Variants in CSNK2A2IP observed in about 807,000 individuals in gnomAD.
The protein encoded by CSNK2A2IP is casein kinase 2 subunit alpha' interacting protein.
At chr3:88,402,239 A>G in the CSNK2A2IP span, among the ~76,000 whole-genome samples, 1 of 152,090 alleles carries the variant, frequency 6.6e-6, no homozygotes, top group Non-Finnish European at 1.5e-5. Flanking sequence ...ATGTTCACCA[A>G]AACAATGAAC....
the CSNK2A2IP span, among the ~76,000 whole-genome samples, chr3:88,459,751 G>C: frequency 6.6e-6 from 1 of 152,060 alleles, no homozygotes; most frequent in Non-Finnish European, 1.5e-5. Context: ...AGTTTTATGA[G>C]AAATGGAAGT....
chr3:88,466,760 G>A, the CSNK2A2IP span: 5 of 851,260 alleles, frequency 5.9e-6, no homozygotes, highest in South Asian at 1.2e-4. Context: ...CCTGGTCCTC[G>A]CTTGTCATCA....
At chr3:88,376,628 T>A in the CSNK2A2IP span, among the ~76,000 whole-genome samples, 1 of 151,792 alleles carries the variant, frequency 6.6e-6, no homozygotes, top group African/African-American at 2.4e-5. Context: ...TTTTTCAGCC[T>A]ACAAATATAT....
At chr3:88,454,413 T>G in the CSNK2A2IP span, among the ~76,000 whole-genome samples, 1 of 151,926 alleles carries the variant, frequency 6.6e-6, no homozygotes. Context: ...GAAGAAGTTT[T>G]AAATTTTGAT....
At chr3:88,466,529 G>T in the CSNK2A2IP span, 1 of 1,231,654 alleles carries the variant, frequency 8.1e-7, no homozygotes, top group African/African-American at 1.6e-5. Context: ...TTAGGTTTCA[G>T]ACTCCAGAGT....
At chr3:88,466,372 G>A in the CSNK2A2IP span, 1 of 1,231,820 alleles carries the variant, frequency 8.1e-7, no homozygotes, top group Non-Finnish European at 1.0e-6. Flanking sequence ...GAATTCACCT[G>A]TCTGTCACTC....
At chr3:88,413,342 C>T in the CSNK2A2IP span, among the ~76,000 whole-genome samples, 1 of 151,880 alleles carries the variant, frequency 6.6e-6, no homozygotes. Context: ...AACTCTTATA[C>T]ACTAAGAGAA....
At chr3:88,457,758 A>G in the CSNK2A2IP span, among the ~76,000 whole-genome samples, 1 of 151,682 alleles carries the variant, frequency 6.6e-6, no homozygotes, top group African/African-American at 2.4e-5. Context: ...AATAAAATCT[A>G]GTAGTTTTTA....
chr3:88,442,458 GAATA>G, the CSNK2A2IP span, among the ~76,000 whole-genome samples: 1 of 152,134 alleles, frequency 6.6e-6, no homozygotes, highest in Non-Finnish European at 1.5e-5. Context: ...AAAATAGACT[GAATA>G]GAGTTATGAG....
chr3:88,420,646 G>A, the CSNK2A2IP span, among the ~76,000 whole-genome samples: 1 of 152,118 alleles, frequency 6.6e-6, no homozygotes, highest in Non-Finnish European at 1.5e-5. Context: ...TTTAGAAGGT[G>A]AGTAAAATGT....
chr3:88,465,956 C>T, the CSNK2A2IP span: 2 of 1,231,532 alleles, frequency 1.6e-6, no homozygotes, highest in South Asian at 8.2e-5. Flanking sequence ...ATCATTTGGA[C>T]ATCATCTTCC....
chr3:88,377,269 T>A, the CSNK2A2IP span, among the ~76,000 whole-genome samples: 1 of 151,872 alleles, frequency 6.6e-6, no homozygotes, highest in African/African-American at 2.4e-5. Context: ...CCCAAACTTC[T>A]CCTTCTCACT....
the CSNK2A2IP span, among the ~76,000 whole-genome samples, chr3:88,428,512 C>T: frequency 6.6e-6 from 1 of 152,060 alleles, no homozygotes; most frequent in Non-Finnish European, 1.5e-5. Context: ...AATTGTAGTT[C>T]CCATAATCCC....
the CSNK2A2IP span, among the ~76,000 whole-genome samples, chr3:88,430,327 A>G: frequency 6.6e-6 from 1 of 152,120 alleles, no homozygotes; most frequent in Admixed American, 6.5e-5. Flanking sequence ...ATCTATACAT[A>G]CATATGTGTA....
the CSNK2A2IP span, among the ~76,000 whole-genome samples, chr3:88,440,457 G>A: frequency 6.6e-6 from 1 of 152,032 alleles, no homozygotes; most frequent in Non-Finnish European, 1.5e-5. Flanking sequence ...CTAGAACTCT[G>A]GCAGATAAAA....
the CSNK2A2IP span, among the ~76,000 whole-genome samples, chr3:88,403,267 G>T: frequency 2.6e-5 from 4 of 151,970 alleles, no homozygotes; most frequent in South Asian, 2.1e-4. Context: ...TTTTTATTAG[G>T]TTTTTTGTTC....
At chr3:88,446,491 T>C in the CSNK2A2IP span, among the ~76,000 whole-genome samples, 1 of 152,224 alleles carries the variant, frequency 6.6e-6, no homozygotes, top group Admixed American at 6.5e-5. Context: ...TGTTTCCAAC[T>C]GAATTTTTCC....
At chr3:88,441,268 T>G in the CSNK2A2IP span, among the ~76,000 whole-genome samples, 3 of 152,306 alleles carry the variant, frequency 2.0e-5, no homozygotes, top group Admixed American at 1.3e-4. Context: ...AGGGTCTGGG[T>G]CTGGAAGACA....
the CSNK2A2IP span, chr3:88,399,540 T>G: frequency 2.0e-5 from 3 of 152,224 alleles, no homozygotes; most frequent in Non-Finnish European, 4.4e-5. Context: ...AAATGTTTAT[T>G]AAGTGCTTAC....
Sources: allele counts gnomAD v4.1 joint callset (sites outside exome capture counted in the v4.1 genomes callset), GRCh38; gene constraint gnomAD v4.1.1; transcripts MANE v1.5; gene names NCBI Gene and HGNC (gene_info 2026-07-23, HGNC 2026-07-21).